TRHDE: variants seen among roughly 807,000 people sequenced by gnomAD.
TRHDE encodes the protein thyrotropin-releasing hormone-degrading ectoenzyme.
In TRHDE, 72 loss-of-function variants were observed where a neutral mutation model predicts 125.7. That is an observed-to-expected ratio of 0.57 (90% CI 0.47 to 0.70). The LOEUF (loss-of-function observed/expected upper bound fraction) is 0.70, where lower values mean the gene tolerates loss of function less well. TRHDE is among the 30% of genes least tolerant of loss of function. The pLI, the probability that TRHDE is intolerant of heterozygous loss-of-function variation, is 0.00. For missense variants in TRHDE, 1,110 were observed against 1,327.1 expected, an observed-to-expected ratio of 0.84 and a Z score of 2.54; for synonymous variants, 509 against 509.1, an observed-to-expected ratio of 1.00 and a Z score of 0.00.
At chr12:72,575,911 C>T (rs1475186551) in intron 12 of TRHDE, among the ~76,000 whole-genome samples, 1 of 152,042 alleles carries the variant, frequency 6.6e-6, no homozygotes, top group African/African-American at 2.4e-5. Flanking sequence ...ACTAGTATAT[C>T]TTTTAAAAAT....
At position 72,272,929 on chromosome 12, in the gene TRHDE, T is replaced by TTGCTCGCGGTCACAA; in HGVS notation, c.294_308dup (p.Thr100_Val104dup). ...GGCCTTCGCTGTGTCCCTCGTGGCA[T>TTGCTCGCGGTCACAA]TGCTCGCGGTCACAATGCTCGCTGT... is the stretch of plus-strand genomic sequence containing the variant. On this transcript the variant is annotated inframe_insertion, in exon 1 of 19. Transcript: ENST00000261180. This position sits in a 1 kb window ranked among gnomAD's most constrained non-coding sequence, Gnocchi z 6.7. The TTGCTCGCGGTCACAA allele has an allele frequency of 6.3e-7, 1 of 1,578,262 alleles. No individual in the cohort carries two copies. The highest frequency in any genetic ancestry group is 8.5e-7 in the Non-Finnish European group (1 of 1,169,988).
At chr12:72,280,284 C>T (rs1879648923) in intron 1 of TRHDE, among the ~76,000 whole-genome samples, 3 of 152,166 alleles carry the variant, frequency 2.0e-5, no homozygotes, top group South Asian at 2.1e-4. Flanking sequence ...TAATAAAGCA[C>T]TTAGAACAGT....
intron 2 of TRHDE, among the ~76,000 whole-genome samples, chr12:72,250,864 T>A (rs866553853): frequency 7.3e-5 from 4 of 54,578 alleles, no homozygotes; most frequent in African/African-American, 1.6e-4. Flanking sequence ...ATATATATAT[T>A]TTATTTTTAT....
At position 72,595,006 on chromosome 12, in the gene TRHDE, T is replaced by C. The variant is rs1028989614; in HGVS notation, c.2321+19464T>C. Among the ~76,000 whole-genome samples the C allele has an allele frequency of 6.0e-5, 9 of 149,704 alleles. No individual in the cohort carries two copies. In the Admixed American group the frequency reaches 6.0e-4, roughly 10 times the overall value. ...GAAATCATCATTCTCAGTAAACTATTGCAAGGACAAAAAACCAAACACCGC... is the reference window on the plus strand; with the variant it reads ...GAAATCATCATTCTCAGTAAACTATCGCAAGGACAAAAAACCAAACACCGC... On this transcript the variant is annotated intron_variant, in intron 12 of 18. Coordinates refer to ENST00000261180, the MANE Select transcript of TRHDE (RefSeq NM_013381.3).
chr12:72,205,269 A>G (rs953732739), intron 2 of TRHDE, among the ~76,000 whole-genome samples: 2 of 151,908 alleles, frequency 1.3e-5, no homozygotes, highest in African/African-American at 2.4e-5. Context: ...CTCTGAAGCT[A>G]TAATCCTCTG....
intron 15 of TRHDE, among the ~76,000 whole-genome samples, chr12:72,629,842 TG>T (rs1360490963): frequency 6.6e-6 from 1 of 151,536 alleles, no homozygotes; most frequent in Non-Finnish European, 1.5e-5. Context: ...ATTTCCTTTT[TG>T]TTTACTTTTT....
chr12:72,229,208 A>C (rs1455045617), intron 2 of TRHDE, among the ~76,000 whole-genome samples: 2 of 152,196 alleles, frequency 1.3e-5, no homozygotes, highest in African/African-American at 2.4e-5. Context: ...AAAGGAAAGA[A>C]GTTTAATGGA....
intron 3 of TRHDE, among the ~76,000 whole-genome samples, chr12:72,381,957 T>A (rs1391558075): frequency 1.3e-5 from 2 of 152,116 alleles, no homozygotes; most frequent in African/African-American, 4.8e-5. Flanking sequence ...AGAGGTACAT[T>A]TGCCAGAATA....
Position 72,413,740 on chromosome 12 carries a change from A to G in TRHDE, c.1315+35619A>G, listed in dbSNP as rs1254499730. On this transcript the variant is annotated intron_variant, in intron 3 of 18. Transcript: ENST00000261180. ...AGGTTTCTGGATATAAGAAAAGTTC[A>G]TGAGCATCACCATCCTCCAAATCTA... Among the ~76,000 whole-genome samples the G allele has an allele frequency of 2.0e-5, 3 of 152,080 alleles. No individual in the cohort carries two copies. In the East Asian group the frequency reaches 5.8e-4, roughly 29 times the overall value.
intron 12 of TRHDE, among the ~76,000 whole-genome samples, chr12:72,593,513 T>A (rs1871783588): frequency 6.6e-6 from 1 of 151,656 alleles, no homozygotes; most frequent in African/African-American, 2.4e-5. Context: ...AGTTTTACTC[T>A]TTTATTATTA....
intron 2 of TRHDE, among the ~76,000 whole-genome samples, chr12:72,304,674 G>A (rs1868314074): frequency 6.6e-6 from 1 of 152,154 alleles, no homozygotes; most frequent in African/African-American, 2.4e-5. Flanking sequence ...ACAGTTGACA[G>A]TGAGTTCCCC....
chr12:72,586,710 C>T (rs998834221), intron 12 of TRHDE, among the ~76,000 whole-genome samples: 3 of 151,170 alleles, frequency 2.0e-5, no homozygotes, highest in Non-Finnish European at 4.4e-5. Context: ...TGTTGCTCAG[C>T]TGCTTCATCT....
chr12:72,419,753 C>T (rs1379289753), intron 3 of TRHDE, among the ~76,000 whole-genome samples: 2 of 151,974 alleles, frequency 1.3e-5, no homozygotes, highest in East Asian at 3.9e-4. Flanking sequence ...CACTTACCTC[C>T]TATAAATTAG....
At chr12:72,198,677 G>C (rs1877492699) in intron 2 of TRHDE, among the ~76,000 whole-genome samples, 1 of 152,126 alleles carries the variant, frequency 6.6e-6, no homozygotes, top group Non-Finnish European at 1.5e-5. Flanking sequence ...CTTAATATCT[G>C]TGGGCCTTTC....
intron 2 of TRHDE, among the ~76,000 whole-genome samples, chr12:72,166,907 CGTGTGT>C (rs59590935): frequency 0.023 from 3,223 of 139,242 alleles, 69 homozygotes; most frequent in Middle Eastern, 0.048. Context: ...GGTAGATGAA[CGTGTGT>C]GTGTGTGTGT....
intron 3 of TRHDE, among the ~76,000 whole-genome samples, chr12:72,389,970 A>T (rs1872562441): frequency 6.6e-6 from 1 of 152,138 alleles, no homozygotes; most frequent in Non-Finnish European, 1.5e-5. Context: ...CAGATTCTGG[A>T]TATATTTTAA....
chr12:72,266,947 A>AAAT (rs1879083162), intron 2 of TRHDE, among the ~76,000 whole-genome samples: 1 of 152,142 alleles, frequency 6.6e-6, no homozygotes, highest in African/African-American at 2.4e-5. Context: ...ATGCTTAGAC[A>AAAT]AATACTTGGT....
At position 72,544,332 on chromosome 12, in the gene TRHDE, T is replaced by C. The variant is rs532417248; in HGVS notation, c.1788+1976T>C. Among the ~76,000 whole-genome samples the C allele has an allele frequency of 1.8e-4, 27 of 151,586 alleles. No homozygotes were observed. In the South Asian group the frequency reaches 5.2e-3, roughly 29 times the overall value. On this transcript the variant is annotated intron_variant, in intron 7 of 18. Transcript: ENST00000261180. ...GGTCACAGAGTTGATATTAATGTGC[T>C]TCCCATCCAGAAGGCCCTGGGGAGT...
chr12:72,528,418 G>A (rs1042714003), intron 6 of TRHDE, among the ~76,000 whole-genome samples: 1 of 152,162 alleles, frequency 6.6e-6, no homozygotes, highest in African/African-American at 2.4e-5. Flanking sequence ...AAATGATGTT[G>A]TCTTCGTGTA....
Sources: gnomAD v4.1 joint callset for allele counts (sites outside exome capture counted in the v4.1 genomes callset) on GRCh38, gnomAD v4.1.1 for gene constraint, Gnocchi (gnomAD v3.1) non-coding constraint, MANE v1.5 for transcripts, NCBI Gene and HGNC (gene_info 2026-07-23, HGNC 2026-07-21) for gene names.